GALNT2: variants seen among roughly 807,000 people sequenced by gnomAD.
GALNT2 encodes the protein polypeptide N-acetylgalactosaminyltransferase 2.
In GALNT2, 31 loss-of-function variants were observed where a neutral mutation model predicts 81.4. The observed-to-expected ratio is 0.38, with a 90% CI of 0.29 to 0.51. GALNT2 has a LOEUF of 0.51. Ranked by LOEUF, GALNT2 falls within the 20% of genes least tolerant of loss-of-function variation. The pLI is 0.87. For missense variants in GALNT2, 629 were observed against 765.7 expected (o/e 0.82, Z 2.11); for synonymous variants, 303 against 287.4 (o/e 1.05, Z -0.55).
chr1:230,178,420 T>G lies in GALNT2; in HGVS notation c.220+109T>G, dbSNP rs567570245. On this transcript the variant is annotated intron_variant, in intron 2 of 15. Coordinates refer to ENST00000366672, the MANE Select transcript of GALNT2 (RefSeq NM_004481.5). The stretch of plus-strand genomic sequence containing the variant: ...GTGGGGAGAGGCTGGATTCCATAGG[T>G]CAGCAGGAGACACCGCCCTAAAGCA... The G allele has an allele frequency of 7.9e-4, 594 of 751,634 alleles. 1 individual carries two copies. Among genetic ancestry groups the G allele is most frequent in the Non-Finnish European group, 9.8e-4 (458 of 467,432 alleles). The allele number at this position is 751,634 out of a possible 1,614,324, so 46.6% of individuals were successfully genotyped here.
chr1:230,084,563 C>T (rs896052663), intron 1 of GALNT2, among the ~76,000 whole-genome samples: 44 of 151,974 alleles, frequency 2.9e-4, no homozygotes, highest in Admixed American at 2.4e-3. Context: ...AGCACCGAGA[C>T]GTTGCTAGGT....
intron 3 of GALNT2, among the ~76,000 whole-genome samples, chr1:230,219,364 T>C (rs1265477294): frequency 6.6e-6 from 1 of 152,116 alleles, no homozygotes; most frequent in Non-Finnish European, 1.5e-5. Flanking sequence ...CCTGGTTGCC[T>C]AATTCTGCTT....
At chr1:230,255,956 G>A (rs1421184059) in intron 11 of GALNT2, among the ~76,000 whole-genome samples, 1 of 152,210 alleles carries the variant, frequency 6.6e-6, no homozygotes, top group Non-Finnish European at 1.5e-5. Flanking sequence ...TCTGGAGGCT[G>A]AGAAGTCCAA....
chr1:230,206,859 A>G (rs756412597), intron 3 of GALNT2, among the ~76,000 whole-genome samples: 1 of 152,056 alleles, frequency 6.6e-6, no homozygotes, highest in Non-Finnish European at 1.5e-5. Context: ...ACATTACTCC[A>G]TCTGTAACCT....
intron 10 of GALNT2, among the ~76,000 whole-genome samples, chr1:230,251,522 C>T (rs1665544234): frequency 1.3e-5 from 2 of 152,070 alleles, no homozygotes; most frequent in African/African-American, 4.8e-5. Flanking sequence ...TCTTTAGGCT[C>T]GATTACTATA....
At chr1:230,135,034 TC>T (rs1413759363) in intron 1 of GALNT2, among the ~76,000 whole-genome samples, 2 of 152,358 alleles carry the variant, frequency 1.3e-5, no homozygotes, top group African/African-American at 2.4e-5. Context: ...AGCATTGCCC[TC>T]ACATAATTTC....
At chr1:230,157,211 G>A (rs1245310714) in intron 1 of GALNT2, among the ~76,000 whole-genome samples, 1 of 152,158 alleles carries the variant, frequency 6.6e-6, no homozygotes, top group African/African-American at 2.4e-5. Flanking sequence ...ATTGAGATGT[G>A]TGTGAACCAT....
chr1:230,275,537 A>T lies in GALNT2; in HGVS notation c.1560+973A>T, dbSNP rs1666274698. 6.7e-6 allele frequency among the ~76,000 whole-genome samples: 1 copy of T among 149,582 alleles called. No homozygotes were observed. Among genetic ancestry groups the T allele is most frequent in the African/African-American group, 2.5e-5 (1 of 39,562 alleles). The stretch of plus-strand genomic sequence containing the variant: ...ATACATATATATACATGCCACATAG[A>T]TATACATATATAAACGCCACATATA... On this transcript the variant is annotated intron_variant, in intron 15 of 15. Transcript: ENST00000366672. The surrounding 1 kb of genome is among the most constrained non-coding windows in gnomAD (Gnocchi z 5.5).
At chr1:230,134,099 T>C (rs1168434601) in intron 1 of GALNT2, among the ~76,000 whole-genome samples, 1 of 149,874 alleles carries the variant, frequency 6.7e-6, no homozygotes, top group Non-Finnish European at 1.5e-5. Context: ...TAACTCTTCA[T>C]CCACCTGAAT....
At chr1:230,202,987 G>A in intron 2 of GALNT2, 150 bp from the exon 3 acceptor site, 1 of 817,268 alleles carries the variant, frequency 1.2e-6, no homozygotes. Flanking sequence ...ATGCTTGCTT[G>A]TGCTGTTTTC....
At chr1:230,207,203 T>C (rs1004468018) in intron 3 of GALNT2, among the ~76,000 whole-genome samples, 3 of 151,954 alleles carry the variant, frequency 2.0e-5, no homozygotes, top group African/African-American at 7.3e-5. Context: ...CAATAAATCA[T>C]GCAAGATATG....
chr1:230,066,811 G>C (rs897995010), upstream of GALNT2, among the ~76,000 whole-genome samples: 1 of 152,110 alleles, frequency 6.6e-6, no homozygotes, highest in Non-Finnish European at 1.5e-5. Flanking sequence ...CTTTGCCCAC[G>C]TGTGCGCGCG....
intron 1 of GALNT2, among the ~76,000 whole-genome samples, chr1:230,130,911 C>T (rs532390217): frequency 6.6e-6 from 1 of 152,242 alleles, no homozygotes; most frequent in African/African-American, 2.4e-5. Context: ...CCCGTGACTG[C>T]CCTGCGTCTC....
chr1:230,265,067 G>T, intron 13 of GALNT2, 174 bp from the exon 14 acceptor site: 1 of 694,294 alleles, frequency 1.4e-6, no homozygotes, highest in Admixed American at 2.7e-5. Context: ...GAGCCTGGGA[G>T]AAATGCCGTG....
intron 1 of GALNT2, among the ~76,000 whole-genome samples, chr1:230,058,825 G>C (rs1205481399): frequency 6.6e-6 from 1 of 152,168 alleles, no homozygotes; most frequent in Non-Finnish European, 1.5e-5. Flanking sequence ...GTGTCACTAA[G>C]AGCTGCTCAC....
intron 1 of GALNT2, among the ~76,000 whole-genome samples, chr1:230,111,811 A>G (rs1219728722): frequency 6.6e-6 from 1 of 152,206 alleles, no homozygotes; most frequent in East Asian, 1.9e-4. Flanking sequence ...AGAATACAAA[A>G]TCTAGAGCTT....
chr1:230,225,456 G>C (rs1294285561), intron 3 of GALNT2, among the ~76,000 whole-genome samples: 1 of 152,158 alleles, frequency 6.6e-6, no homozygotes, highest in Non-Finnish European at 1.5e-5. Flanking sequence ...CTGCCTTGTG[G>C]TGGATCCAGT....
intron 2 of GALNT2, among the ~76,000 whole-genome samples, chr1:230,189,082 A>T (rs1663435152): frequency 6.6e-6 from 1 of 152,094 alleles, no homozygotes. Context: ...ACAGCTGTTG[A>T]TGAGGTTCTT....
intron 1 of GALNT2, among the ~76,000 whole-genome samples, chr1:230,147,073 A>G (rs1202319822): frequency 6.6e-6 from 1 of 152,088 alleles, no homozygotes; most frequent in East Asian, 1.9e-4. Context: ...GGCCAGAGTT[A>G]GAGAAACAGG....
Sources: gnomAD v4.1 joint callset for allele counts (sites outside exome capture counted in the v4.1 genomes callset) on GRCh38, gnomAD v4.1.1 for gene constraint, Gnocchi (gnomAD v3.1) non-coding constraint, MANE v1.5 for transcripts, NCBI Gene and HGNC (gene_info 2026-07-23, HGNC 2026-07-21) for gene names.